KAZN: variants seen among roughly 807,000 people sequenced by gnomAD.
The protein encoded by KAZN is kazrin.
In KAZN, 40 loss-of-function variants were observed where a neutral mutation model predicts 87.4. That is an observed-to-expected ratio of 0.46 (90% CI 0.36 to 0.60). KAZN has a LOEUF of 0.60. KAZN is among the 20% of genes least tolerant of loss of function. KAZN has a pLI of 0.00. For synonymous variants in KAZN, 466 were observed against 458.3 expected, an observed-to-expected ratio of 1.02 and a Z score of -0.22; for missense variants, 898 against 1,073.9, an observed-to-expected ratio of 0.84 and a Z score of 2.29.
intron 2 of KAZN, among the ~76,000 whole-genome samples, chr1:14,517,547 A>G (rs1671361662): frequency 2.0e-5 from 3 of 152,230 alleles, no homozygotes; most frequent in Non-Finnish European, 4.4e-5. Context: ...CCTGGAACAC[A>G]TGCCTTAGCG....
chr1:14,170,055 G>A (rs1645919998), intron 1 of KAZN, among the ~76,000 whole-genome samples: 2 of 152,114 alleles, frequency 1.3e-5, no homozygotes, highest in South Asian at 2.1e-4. Context: ...TAAAAATGGA[G>A]CCACATTGAT....
At chr1:15,022,791 G>A (rs1049440243) in intron 2 of KAZN, among the ~76,000 whole-genome samples, 16 of 152,202 alleles carry the variant, frequency 1.1e-4, no homozygotes, top group Admixed American at 1.3e-4. Context: ...CTAGGTCCCC[G>A]CTCATGCACC....
At chr1:14,811,480 C>T (rs1371744721) in intron 1 of KAZN, among the ~76,000 whole-genome samples, 2 of 152,190 alleles carry the variant, frequency 1.3e-5, no homozygotes, top group African/African-American at 2.4e-5. Context: ...TGTGCAACAT[C>T]GAATAGTAGA....
intron 2 of KAZN, among the ~76,000 whole-genome samples, chr1:14,398,348 G>A (rs1269893263): frequency 6.6e-6 from 1 of 152,222 alleles, no homozygotes; most frequent in Non-Finnish European, 1.5e-5. Context: ...TACTATCTGT[G>A]ATTTTGGGCA....
At chr1:14,375,949 C>T (rs1385452894) in intron 2 of KAZN, among the ~76,000 whole-genome samples, 3 of 152,048 alleles carry the variant, frequency 2.0e-5, no homozygotes, top group East Asian at 1.9e-4. Flanking sequence ...TGTACAATAC[C>T]CTCAACACAA....
At chr1:14,167,740 C>CAAAAAA (rs112522340) in intron 1 of KAZN, among the ~76,000 whole-genome samples, 21,871 of 151,720 alleles carry the variant, frequency 0.14, 1,775 homozygotes, top group East Asian at 0.32. Context: ...AAAACAAAAA[C>CAAAAAA]AAACAAGGAA....
intron 2 of KAZN, among the ~76,000 whole-genome samples, chr1:14,412,458 G>T (rs1664385236): frequency 6.6e-6 from 1 of 152,010 alleles, no homozygotes; most frequent in Non-Finnish European, 1.5e-5. Flanking sequence ...CTGAGAACAA[G>T]CTCAAGTATA....
At chr1:14,355,640 C>T (rs1658957726) in intron 2 of KAZN, among the ~76,000 whole-genome samples, 1 of 152,084 alleles carries the variant, frequency 6.6e-6, no homozygotes, top group Non-Finnish European at 1.5e-5. Context: ...TCCATGTGTT[C>T]TCCTTGTTCA....
At chr1:14,122,937 T>C (rs1381921250) in intron 1 of KAZN, among the ~76,000 whole-genome samples, 8 of 152,228 alleles carry the variant, frequency 5.3e-5, no homozygotes, top group African/African-American at 1.7e-4. Flanking sequence ...ACATACTTGT[T>C]TTCCCTACTT....
At chr1:15,001,318 A>G (rs1316762468) in intron 2 of KAZN, among the ~76,000 whole-genome samples, 1 of 151,766 alleles carries the variant, frequency 6.6e-6, no homozygotes, top group Admixed American at 6.6e-5. Context: ...AAAAAAAAAA[A>G]AAAAAAATTA....
intron 3 of KAZN, among the ~76,000 whole-genome samples, chr1:15,041,300 C>T (rs1573150322): frequency 6.7e-6 from 1 of 149,006 alleles, no homozygotes; most frequent in Admixed American, 6.7e-5. Flanking sequence ...CCCTCCTCTC[C>T]CCTCTGTATT....
chr1:13,929,298 C>T (rs1400972594), intron 1 of KAZN, among the ~76,000 whole-genome samples: 1 of 152,080 alleles, frequency 6.6e-6, no homozygotes, highest in African/African-American at 2.4e-5. Context: ...TTGTCTTGAA[C>T]GTGTCTTGAT....
intron 2 of KAZN, among the ~76,000 whole-genome samples, chr1:15,020,685 C>T (rs186494653): frequency 3.0e-4 from 45 of 152,314 alleles, no homozygotes; most frequent in African/African-American, 8.7e-4. Context: ...TCAAGGGTGT[C>T]TGGGGAGTTT....
At chr1:14,812,137 A>T (rs1646430592) in intron 1 of KAZN, among the ~76,000 whole-genome samples, 1 of 151,732 alleles carries the variant, frequency 6.6e-6, no homozygotes, top group African/African-American at 2.4e-5. Context: ...CCTCCTCAGA[A>T]TATTGAGGTA....
At chr1:14,838,398 T>C (rs1395462996) in intron 1 of KAZN, among the ~76,000 whole-genome samples, 2 of 151,964 alleles carry the variant, frequency 1.3e-5, no homozygotes, top group African/African-American at 4.8e-5. Flanking sequence ...TGGCTAGGAG[T>C]GAAATTGCTG....
chr1:15,112,541 GGT>G lies in KAZN; in HGVS notation c.2163+1_2163+2del. 1 of 1,595,870 alleles carries G rather than the reference GGT, an allele frequency of 6.3e-7. No individual in the cohort carries two copies. Among genetic ancestry groups the G allele is most frequent in the Non-Finnish European group, 8.5e-7 (1 of 1,170,508 alleles). ...GCGGTCTCAAGTACAAGGCTGGCCG[GGT>G]AAGTCTCTCAATGGATTTACCTGTG... On this transcript the variant is annotated splice_donor_variant, in intron 14 of 14. Coordinates refer to ENST00000376030, the MANE Select transcript of KAZN (RefSeq NM_201628.3). LOFTEE classifies it high-confidence loss of function.
chr1:14,074,928 T>A (rs1643392771), intron 1 of KAZN, among the ~76,000 whole-genome samples: 1 of 152,174 alleles, frequency 6.6e-6, no homozygotes, highest in Admixed American at 6.5e-5. Context: ...CTAAGTGAAA[T>A]GTGTTTGCTT....
At chr1:14,210,617 A>C (rs1646834785) in intron 2 of KAZN, among the ~76,000 whole-genome samples, 1 of 152,210 alleles carries the variant, frequency 6.6e-6, no homozygotes, top group Non-Finnish European at 1.5e-5. Flanking sequence ...AAAATTACTA[A>C]GGACCCCTAA....
At chr1:14,325,177 C>G (rs1309307880) in intron 2 of KAZN, among the ~76,000 whole-genome samples, 1 of 141,650 alleles carries the variant, frequency 7.1e-6, no homozygotes, top group African/African-American at 3.1e-5. Context: ...TGTGCTCTCC[C>G]TCTCTCTCTC....
Sources: allele counts gnomAD v4.1 joint callset (sites outside exome capture counted in the v4.1 genomes callset), GRCh38; gene constraint gnomAD v4.1.1; transcripts MANE v1.5; gene names NCBI Gene and HGNC (gene_info 2026-07-23, HGNC 2026-07-21).